Variants in PDE4D observed in about 807,000 individuals in gnomAD.
The protein encoded by PDE4D is phosphodiesterase 4D.
A neutral mutation model predicts 87.4 loss-of-function variants in PDE4D; 24 were observed. That is an observed-to-expected ratio of 0.27 (90% CI 0.20 to 0.39). The LOEUF is 0.39. PDE4D is among the 10% of genes least tolerant of loss of function. The pLI, the probability that PDE4D is intolerant of heterozygous loss-of-function variation, is 1.00. For missense variants in PDE4D, 714 were observed against 1,041.0 expected, an observed-to-expected ratio of 0.69 and a Z score of 4.32; for synonymous variants, 384 against 383.2, an observed-to-expected ratio of 1.00 and a Z score of -0.02.
chr5:60,513,764 A>T (rs1001959273), intron 1 of PDE4D, among the ~76,000 whole-genome samples: 18 of 152,112 alleles, frequency 1.2e-4, no homozygotes, highest in Non-Finnish European at 2.2e-4. Context: ...ATTGGAAAAC[A>T]TTTTGAACTG....
At position 59,053,638 on chromosome 5, in the gene PDE4D, G is replaced by GTTTTTTTTT. The variant is rs1205199951; in HGVS notation, c.809-14668_809-14667insAAAAAAAAA. On this transcript the variant is annotated intron_variant, in intron 5 of 14. Transcript: ENST00000340635. ...TAAGTTTTATGAATTAAGTTGTTTT[G>GTTTTTTTTT]TTTTTTGTTTTTTTTTGTTGTTGTT... Among the ~76,000 whole-genome samples, 20 of 84,696 alleles carry GTTTTTTTTT rather than the reference G, an allele frequency of 2.4e-4. 1 individual carries two copies. The highest frequency in any genetic ancestry group is 6.6e-4 in the African/African-American group (13 of 19,716). The allele number at this position is 84,696 out of a possible 152,430, so 55.6% of individuals were successfully genotyped here.
chr5:59,100,216 G>A (rs114758901), intron 5 of PDE4D, among the ~76,000 whole-genome samples: 7 of 152,250 alleles, frequency 4.6e-5, no homozygotes, highest in East Asian at 1.9e-4. Context: ...TTGGCGGTGC[G>A]CCACTGTCTA....
chr5:59,407,364 G>A, intron 1 of PDE4D, among the ~76,000 whole-genome samples: 1 of 152,170 alleles, frequency 6.6e-6, no homozygotes, highest in East Asian at 1.9e-4. Flanking sequence ...ACAGCCTGCA[G>A]AACTGCAAGC....
intron 1 of PDE4D, among the ~76,000 whole-genome samples, chr5:59,439,274 G>T (rs1194663945): frequency 1.3e-5 from 2 of 150,686 alleles, no homozygotes; most frequent in Non-Finnish European, 2.9e-5. Context: ...CAGGAGAATT[G>T]CTTGAACCCT....
intron 5 of PDE4D, among the ~76,000 whole-genome samples, chr5:59,104,295 T>C (rs991658485): frequency 2.0e-5 from 3 of 152,254 alleles, no homozygotes; most frequent in African/African-American, 7.2e-5. Context: ...TAGTATTATC[T>C]ATCTTTTACA....
At chr5:59,448,540 C>T (rs549561266) in intron 1 of PDE4D, among the ~76,000 whole-genome samples, 34 of 152,308 alleles carry the variant, frequency 2.2e-4, no homozygotes, top group African/African-American at 8.2e-4. Context: ...TCAAAGAACA[C>T]TCTTTTGCAG....
At chr5:59,033,591 T>C (rs1001334624) in intron 6 of PDE4D, among the ~76,000 whole-genome samples, 3 of 152,236 alleles carry the variant, frequency 2.0e-5, no homozygotes, top group African/African-American at 2.4e-5. Context: ...TCTTAAGTGA[T>C]AGCTACAGTC....
At chr5:59,069,327 T>C (rs1203730232) in intron 5 of PDE4D, among the ~76,000 whole-genome samples, 1 of 152,128 alleles carries the variant, frequency 6.6e-6, no homozygotes, top group Non-Finnish European at 1.5e-5. Context: ...AAGAAAAGTT[T>C]ATAGCAAATA....
intron 2 of PDE4D, among the ~76,000 whole-genome samples, chr5:60,015,499 G>C (rs1765417849): frequency 6.6e-6 from 1 of 152,182 alleles, no homozygotes; most frequent in Non-Finnish European, 1.5e-5. Context: ...CTGCTATGCT[G>C]TAAAGAAGCC....
intron 2 of PDE4D, among the ~76,000 whole-genome samples, chr5:59,197,400 G>T (rs1284238280): frequency 1.3e-5 from 2 of 152,028 alleles, no homozygotes; most frequent in Non-Finnish European, 2.9e-5. Flanking sequence ...TCTCAAGATG[G>T]TCTCATTTTA....
At chr5:59,300,139 G>T (rs1427397430) in intron 1 of PDE4D, among the ~76,000 whole-genome samples, 1 of 135,740 alleles carries the variant, frequency 7.4e-6, no homozygotes, top group East Asian at 2.0e-4. Context: ...AAAAAAAAAG[G>T]CTTACAGTGT....
In PDE4D at chr5:60,360,356, AATC is replaced by A. The variant is rs928347982; in HGVS notation, c.-90+127583_-90+127585del. Among the ~76,000 whole-genome samples, 16 of 152,360 alleles carry A rather than the reference AATC, an allele frequency of 1.1e-4. 1 individual carries two copies. The highest frequency in any genetic ancestry group is 3.8e-4 in the African/African-American group (16 of 41,586). ...CATGATGACAGCATTAATCTGAGAAAATCATCAAGAGTAAATTTTCACATTCAA... is the reference window on the plus strand; with the variant it reads ...CATGATGACAGCATTAATCTGAGAAAATCAAGAGTAAATTTTCACATTCAA... On this transcript the variant is annotated intron_variant, in intron 1 of 16. Coordinates refer to the PDE4D transcript ENST00000502484.
chr5:59,438,796 A>G lies in PDE4D; in HGVS notation c.456-222828T>C, dbSNP rs529200184. 8.8e-5 allele frequency among the ~76,000 whole-genome samples: 12 copies of G among 136,262 alleles called. 1 individual carries two copies. The South Asian group carries it at 1.1e-3, about 12-fold the overall frequency. The allele number at this position is 136,262 out of a possible 152,430, so 89.4% of individuals were successfully genotyped here. A position where few individuals can be genotyped will look rare whatever the true frequency, so the allele number is the denominator to read the frequency against. ...TAGGGTCTGCATCAATGATCCAAGG[A>G]AAAAAAAACAAATAATAGAGAAACT... On this transcript the variant is annotated intron_variant, in intron 1 of 14. Transcript: ENST00000340635.
At chr5:59,862,314 G>T (rs1295904426) in intron 1 of PDE4D, among the ~76,000 whole-genome samples, 1 of 152,050 alleles carries the variant, frequency 6.6e-6, no homozygotes, top group African/African-American at 2.4e-5. Flanking sequence ...AATAATGCTT[G>T]CTTAAAACAA....
rs140449555 is a variant in PDE4D at position 59,676,719 on chromosome 5, C to A, written c.455+216449G>T. 4.4e-3 allele frequency among the ~76,000 whole-genome samples: 670 copies of A among 152,222 alleles called. 11 individuals are homozygous for A. The highest frequency in any genetic ancestry group is 0.03 in the Admixed American group (460 of 15,300). On this transcript the variant is annotated intron_variant, in intron 1 of 14. Coordinates refer to ENST00000340635, the MANE Select transcript of PDE4D (RefSeq NM_001104631.2). ...GTACGTAGGGATGTTTCAATACATA[C>A]AATGCATAGTGATCAGATCAGGGTA...
chr5:59,887,867 C>G (rs964471914), intron 1 of PDE4D, among the ~76,000 whole-genome samples: 1 of 152,118 alleles, frequency 6.6e-6, no homozygotes, highest in African/African-American at 2.4e-5. Context: ...AATGTAATTT[C>G]CAAACTTTTG....
intron 2 of PDE4D, among the ~76,000 whole-genome samples, chr5:59,213,447 T>G (rs532023240): frequency 6.6e-6 from 1 of 152,174 alleles, no homozygotes; most frequent in Non-Finnish European, 1.5e-5. Flanking sequence ...CTCCTTACTT[T>G]GGCTCATGAT....
At chr5:59,368,255 A>T (rs1488297462) in intron 1 of PDE4D, among the ~76,000 whole-genome samples, 1 of 152,220 alleles carries the variant, frequency 6.6e-6, no homozygotes, top group Non-Finnish European at 1.5e-5. Flanking sequence ...GTTTGTTCCC[A>T]TGACTTGTGA....
intron 1 of PDE4D, among the ~76,000 whole-genome samples, chr5:60,506,912 A>C (rs906136501): frequency 2.6e-5 from 4 of 152,228 alleles, no homozygotes; most frequent in Non-Finnish European, 4.4e-5. Flanking sequence ...AATTTGAAAA[A>C]TACAAAAAGA....
Sources: allele counts gnomAD v4.1 joint callset (sites outside exome capture counted in the v4.1 genomes callset), GRCh38; gene constraint gnomAD v4.1.1; transcripts MANE v1.5; gene names NCBI Gene and HGNC (gene_info 2026-07-23, HGNC 2026-07-21).